The following ERCC6L2 variants were observed in gnomAD, a reference collection of about 807,000 sequenced individuals.
The protein encoded by ERCC6L2 is DNA excision repair protein ERCC-6-like 2.
In ERCC6L2, 77 loss-of-function variants were observed where a neutral mutation model predicts 132.0. The observed-to-expected ratio is 0.58, with a 90% CI of 0.49 to 0.71. ERCC6L2 has a LOEUF of 0.71. ERCC6L2 is among the 30% of genes least tolerant of loss of function. The pLI, the probability that ERCC6L2 is intolerant of heterozygous loss-of-function variation, is 0.00. For missense variants in ERCC6L2, 1,542 were observed against 1,837.6 expected, an observed-to-expected ratio of 0.84 and a Z score of 2.94; for synonymous variants, 583 against 632.4, an observed-to-expected ratio of 0.92 and a Z score of 1.17.
chr9:95,934,440 C>G (rs1830471008), intron 11 of ERCC6L2, among the ~76,000 whole-genome samples: 1 of 151,616 alleles, frequency 6.6e-6, no homozygotes, highest in Admixed American at 6.6e-5. Flanking sequence ...AAAAATGAAT[C>G]TAGCAAAACC....
At chr9:95,930,538 A>G (rs1830289377) in intron 11 of ERCC6L2, among the ~76,000 whole-genome samples, 2 of 152,168 alleles carry the variant, frequency 1.3e-5, no homozygotes, top group Admixed American at 1.3e-4. Flanking sequence ...TTAGTTTATC[A>G]ACTTTACATA....
Position 95,972,449 on chromosome 9 carries a change from G to C in ERCC6L2, c.2698G>C (p.Asp900His). ...TTTACAGAATGTCACAGAATCAGAAGATAGTGATGTCATCTGTCCTACACA... is the reference window on the plus strand; with the variant it reads ...TTTACAGAATGTCACAGAATCAGAACATAGTGATGTCATCTGTCCTACACA... ...CILQNVTESE[D>H]SDVICPTQYT... Residue 900 changes from aspartate (D) to histidine (H), a missense_variant, in exon 16 of 19, where the codon GAT becomes CAT. Transcript: ENST00000653738. 7.8e-7 allele frequency: 1 copy of C among 1,282,470 alleles called. No homozygotes were observed. The highest frequency in any genetic ancestry group is 1.0e-6 in the Non-Finnish European group (1 of 986,946). The allele number at this position is 1,282,470 out of a possible 1,614,324, so 79.4% of individuals were successfully genotyped here.
intron 2 of ERCC6L2, among the ~76,000 whole-genome samples, chr9:95,893,039 A>G (rs1437112879): frequency 6.6e-6 from 1 of 152,108 alleles, no homozygotes; most frequent in Non-Finnish European, 1.5e-5. Flanking sequence ...TTTTCTATTG[A>G]CTTTTTATCT....
rs1827213298 is a variant in ERCC6L2 at position 95,875,760 on chromosome 9, A to G, written c.-279A>G. ...TCCTCCGGCGGCGGCGGAGCCCGAG[A>G]GAACTAGGTGAACACCGCTTTGCCA... On this transcript the variant is annotated 5_prime_UTR_variant, in exon 1 of 19. Coordinates refer to ENST00000653738, the MANE Select transcript of ERCC6L2 (RefSeq NM_020207.7). The G allele has an allele frequency of 2.1e-5, 10 of 473,882 alleles. 1 individual carries two copies. In the South Asian group the frequency reaches 3.1e-4, roughly 15 times the overall value. The allele number at this position is 473,882 out of a possible 1,614,324, so 29.4% of individuals were successfully genotyped here.
chr9:96,027,479 C>T (rs1024632970), intron 19 of ERCC6L2, among the ~76,000 whole-genome samples: 2 of 152,192 alleles, frequency 1.3e-5, no homozygotes, highest in African/African-American at 4.8e-5. Context: ...GTGTGCCCGG[C>T]TCAGTCACCC....
At chr9:95,968,353 C>G (rs1395399999) in intron 14 of ERCC6L2, 2 of 152,034 alleles carry the variant, frequency 1.3e-5, no homozygotes, top group Non-Finnish European at 2.9e-5. Context: ...CCATCCATGC[C>G]CTACATTTGT....
Position 95,955,997 on chromosome 9 carries a change from G to A in ERCC6L2, c.1931G>A (p.Arg644Gln), listed in dbSNP as rs751936141. The change falls in exon 13 of 19, where the codon CGA (arginine) becomes CAA (glutamine). Residue 644 changes from arginine to glutamine, a missense_variant. Arg to Gln is a conservative substitution (Grantham distance 43). Coordinates refer to ENST00000653738, the MANE Select transcript of ERCC6L2 (RefSeq NM_020207.7). ...ACTGTGGAGGAAATCATGTATTTAC[G>A]ACAGATATACAAGCAGGTAAATATG... ...LGTVEEIMYL[R>Q]QIYKQQLHCV... The A allele has an allele frequency of 2.6e-5, 41 of 1,594,764 alleles. No individual in the cohort carries two copies. The highest frequency in any genetic ancestry group is 2.1e-4 in the Admixed American group (12 of 57,282).
chr9:95,980,691 G>C (rs1331005715), intron 17 of ERCC6L2, among the ~76,000 whole-genome samples: 4 of 152,094 alleles, frequency 2.6e-5, no homozygotes, highest in Non-Finnish European at 5.9e-5. Context: ...TTTGCAGCTG[G>C]TGTGGCAGTG....
intron 1 of ERCC6L2, 37 bp downstream of exon 1, chr9:95,876,121 G>T: frequency 6.5e-7 from 1 of 1,535,796 alleles, no homozygotes. Flanking sequence ...GCAGAGGCCT[G>T]TGTACTGCGT....
chr9:96,040,265 C>T (rs1834563957), intron 20 of ERCC6L2, among the ~76,000 whole-genome samples: 1 of 151,956 alleles, frequency 6.6e-6, no homozygotes, highest in South Asian at 2.1e-4. Context: ...TTTTTCTGGG[C>T]GTCACGTCCT....
intron 19 of ERCC6L2, among the ~76,000 whole-genome samples, chr9:96,030,340 T>C (rs1443423892): frequency 6.6e-6 from 1 of 152,052 alleles, no homozygotes; most frequent in Non-Finnish European, 1.5e-5. Context: ...TTCCCTTCCA[T>C]GCTGTGGAAG....
chr9:95,903,447 A>G (rs959531223), intron 3 of ERCC6L2, among the ~76,000 whole-genome samples: 3 of 152,056 alleles, frequency 2.0e-5, no homozygotes, highest in Non-Finnish European at 2.9e-5. Flanking sequence ...ACCTATTGAT[A>G]TATTAGTTGA....
At chr9:95,967,686 C>T (rs931945334) in intron 14 of ERCC6L2, 2 of 152,146 alleles carry the variant, frequency 1.3e-5, no homozygotes, top group African/African-American at 4.8e-5. Flanking sequence ...ATATATACTG[C>T]TGAGTTTCTA....
chr9:95,902,195 C>G (rs752242840), intron 3 of ERCC6L2, among the ~76,000 whole-genome samples: 1 of 152,064 alleles, frequency 6.6e-6, no homozygotes, highest in Non-Finnish European at 1.5e-5. Flanking sequence ...AGAATAAATT[C>G]TTAAAGGAAA....
At chr9:96,022,264 C>A (rs1481340922), downstream of ERCC6L2, among the ~76,000 whole-genome samples, 2 of 152,176 alleles carry the variant, frequency 1.3e-5, no homozygotes, top group Admixed American at 1.3e-4. Flanking sequence ...CCCGGGAGCC[C>A]GTTAAAATAC....
chr9:95,980,826 C>A (rs1169054654), intron 17 of ERCC6L2, among the ~76,000 whole-genome samples: 2 of 152,092 alleles, frequency 1.3e-5, no homozygotes, highest in Non-Finnish European at 1.5e-5. Context: ...TTAGAAAATT[C>A]CTGCAAACTT....
Position 95,928,088 on chromosome 9 carries a change from C to T in ERCC6L2, c.1543C>T (p.Gln515Ter). The change falls in exon 10 of 19, where the codon CAG becomes TAG. Residue 515 changes from glutamine to a stop codon, truncating the protein, a stop_gained. Transcript: ENST00000653738. LOFTEE classifies it high-confidence loss of function. ...TGTGGTTCATTTTCAGGTCCTTCAG[C>T]AGCTTTTAAATCATTGCAGGAAAAA... ...KYSGKMKVLQQLLNHCRKNRD... is the reference protein window; with the variant it reads ...KYSGKMKVLQ 4.3e-6 allele frequency: 7 copies of T among 1,612,486 alleles called. No homozygotes were observed. Among genetic ancestry groups the T allele is most frequent in the Non-Finnish European group, 5.9e-6 (7 of 1,178,870 alleles).
chr9:96,030,701 C>CAAAA (rs35421948), intron 19 of ERCC6L2, among the ~76,000 whole-genome samples: 8 of 79,952 alleles, frequency 1.0e-4, no homozygotes, highest in East Asian at 3.6e-4. Flanking sequence ...GACTCCATCT[C>CAAAA]AAAAAAAAAA....
intron 11 of ERCC6L2, among the ~76,000 whole-genome samples, chr9:95,933,643 G>A (rs1353369344): frequency 2.6e-5 from 4 of 152,044 alleles, no homozygotes; most frequent in African/African-American, 9.7e-5. Flanking sequence ...TCAGGAGTTC[G>A]AGACCAGCCT....
Sources: gnomAD v4.1 joint callset for allele counts (sites outside exome capture counted in the v4.1 genomes callset) on GRCh38, gnomAD v4.1.1 for gene constraint, MANE v1.5 for transcripts, NCBI Gene and HGNC (gene_info 2026-07-23, HGNC 2026-07-21) for gene names.